Variants in CLCN6 observed in about 807,000 individuals in gnomAD.
The protein encoded by CLCN6 is Cl-/H+ antiporter 6, also known as H(+)/Cl(-) exchange transporter 6.
Under a neutral mutation model 109.8 loss-of-function variants are expected in CLCN6, and 70 were observed. That is an observed-to-expected ratio of 0.64 (90% CI 0.53 to 0.78). CLCN6 has a LOEUF of 0.78. CLCN6 is among the 30% of genes least tolerant of loss of function. The pLI, the probability that CLCN6 is intolerant of heterozygous loss-of-function variation, is 0.00. For synonymous variants in CLCN6, 444 were observed against 447.8 expected (o/e 0.99, Z 0.11); for missense variants, 984 against 1,142.3 (o/e 0.86, Z 2.00).
chr1:11,824,380 A>C, intron 7 of CLCN6, 106 bp from the exon 8 acceptor site: 1 of 792,410 alleles, frequency 1.3e-6, no homozygotes, highest in Non-Finnish European at 2.1e-6. Flanking sequence ...AAGTCTTAGG[A>C]TCATCTCTGT....
intron 8 of CLCN6, among the ~76,000 whole-genome samples, chr1:11,825,870 T>C (rs948468652): frequency 3.9e-5 from 6 of 152,190 alleles, no homozygotes; most frequent in African/African-American, 1.4e-4. Flanking sequence ...TAATCAGCCG[T>C]CCGCCTCGGC....
chr1:11,819,398 G>C, intron 4 of CLCN6, 90 bp from the exon 5 acceptor site: 1 of 1,144,756 alleles, frequency 8.7e-7, no homozygotes, highest in Admixed American at 1.7e-5. Context: ...TGCAGTGGGG[G>C]AGGAGATGCC....
At chr1:11,812,377 A>C (rs1156480336) in intron 2 of CLCN6, among the ~76,000 whole-genome samples, 1 of 152,222 alleles carries the variant, frequency 6.6e-6, no homozygotes, top group Non-Finnish European at 1.5e-5. Flanking sequence ...AGGAACCTCC[A>C]AACGGTTCAG....
chr1:11,828,286 CCAGAGAGAAATGAG>C (rs1479760336), intron 11 of CLCN6, 67 bp downstream of exon 11: 2 of 1,490,506 alleles, frequency 1.3e-6, no homozygotes, highest in Non-Finnish European at 1.9e-6. Context: ...AAGTGAAGGA[CCAGAGAGAAATGAG>C]CAGAGGGCTA....
At chr1:11,835,690 A>G (rs890342817) in intron 17 of CLCN6, among the ~76,000 whole-genome samples, 1 of 152,206 alleles carries the variant, frequency 6.6e-6, no homozygotes, top group African/African-American at 2.4e-5. Flanking sequence ...ACCAGCAGCC[A>G]GGGCTTCCTG....
In CLCN6 at chr1:11,819,468, A is replaced by G; in HGVS notation, c.280-20A>G. On this transcript the variant is annotated intron_variant, in intron 4 of 22. Coordinates refer to ENST00000346436, the MANE Select transcript of CLCN6 (RefSeq NM_001286.5). ...ACACTTGGAAATAAGGCTGTGTGAC[A>G]GATCTCTTGCTCTTCACAGGTGGGT... 6.2e-7 allele frequency: 1 copy of G among 1,612,294 alleles called. No individual in the cohort carries two copies. Among genetic ancestry groups the G allele is most frequent in the Non-Finnish European group, 8.5e-7 (1 of 1,178,286 alleles).
intron 5 of CLCN6, 81 bp downstream of exon 5, chr1:11,819,635 T>A: frequency 8.2e-7 from 1 of 1,219,366 alleles, no homozygotes; most frequent in Admixed American, 1.7e-5. Flanking sequence ...GGTCTAACAG[T>A]AAGCATAGTA....
chr1:11,823,657 A>G (rs779590307), intron 6 of CLCN6, 50 bp from the exon 7 acceptor site: 17 of 1,613,200 alleles, frequency 1.1e-5, no homozygotes, highest in Admixed American at 3.3e-5. Flanking sequence ...AGGGTAAGCC[A>G]GAGAACCAAT....
intron 22 of CLCN6, chr1:11,839,089 CATT>C: frequency 3.4e-6 from 2 of 588,524 alleles, no homozygotes; most frequent in Non-Finnish European, 6.1e-6. Flanking sequence ...TTTAGAACTT[CATT>C]ATTTTCTTAT....
chr1:11,816,539 G>A (rs922360779), intron 3 of CLCN6, 76 bp from the exon 4 acceptor site: 24 of 1,359,406 alleles, frequency 1.8e-5, no homozygotes, highest in Non-Finnish European at 2.5e-5. Context: ...GCTTAAAACT[G>A]GTTGGCCAAG....
At position 11,841,727 on chromosome 1, in the gene CLCN6, C is replaced by G. The variant is rs1645026329; in HGVS notation, c.*1504C>G. On this transcript the variant is annotated 3_prime_UTR_variant, in exon 23 of 23. Coordinates refer to ENST00000346436, the MANE Select transcript of CLCN6 (RefSeq NM_001286.5). Reference sequence around the variant, plus strand: ...TTTCACCCTGGGGTGAGCATCAGTCCTGGCTCTGCTGGTCCAGATCTTGCG... The same window carrying G: ...TTTCACCCTGGGGTGAGCATCAGTCGTGGCTCTGCTGGTCCAGATCTTGCG... The G allele has an allele frequency of 6.6e-6, 1 of 152,258 alleles. No individual in the cohort carries two copies. The highest frequency in any genetic ancestry group is 2.4e-5 in the African/African-American group (1 of 41,458). 9.4% of individuals were successfully genotyped at this position (152,258 alleles called of 1,614,324 possible). A position where few individuals can be genotyped will look rare whatever the true frequency, so the allele number is the denominator to read the frequency against.
rs760903472 is a variant in CLCN6 at position 11,826,156 on chromosome 1, T to C, written c.649T>C (p.Phe217Leu). Reference sequence around the variant, plus strand: ...GTGGCTCTCTTTTCTCTTGCTTTAGTTTCAGAGCATCTCCTTACGGAAGAT... The same window carrying C: ...GTGGCTCTCTTTTCTCTTGCTTTAGCTTCAGAGCATCTCCTTACGGAAGAT... ...GSVVGAGLPQ[F>L]QSISLRKIQF... The change falls in exon 9 of 23, where the codon TTT becomes CTT. Residue 217 changes from phenylalanine to leucine, a missense_variant and splice_region_variant. Transcript: ENST00000346436. 2 of 1,612,788 alleles carry C rather than the reference T, an allele frequency of 1.2e-6. No individual in the cohort carries two copies.
intron 13 of CLCN6, among the ~76,000 whole-genome samples, chr1:11,831,039 G>C (rs940182713): frequency 6.6e-6 from 1 of 151,652 alleles, no homozygotes; most frequent in Non-Finnish European, 1.5e-5. Flanking sequence ...CACCATGTTG[G>C]CCAGGCTGGT....
chr1:11,807,836 C>G (rs1570510104), intron 2 of CLCN6, among the ~76,000 whole-genome samples: 2 of 152,174 alleles, frequency 1.3e-5, no homozygotes. Context: ...CTTTTATATA[C>G]ATGATACATG....
chr1:11,819,508 T>G lies in CLCN6; in HGVS notation c.300T>G (p.Phe100Leu). The change falls in exon 5 of 23, where the codon TTT (phenylalanine) becomes TTG (leucine). Residue 100 changes from phenylalanine (F) to leucine (L), a missense_variant. Physicochemically the swap from Phe to Leu is conservative, Grantham distance 22. Coordinates refer to ENST00000346436, the MANE Select transcript of CLCN6 (RefSeq NM_001286.5). ...CTGLVGLFVD[F>L]FVRLFTQLKF... Reference sequence around the variant, plus strand: ...CACAGGTGGGTCTCTTTGTGGACTTTTTTGTGCGACTCTTCACCCAACTCA... The same window carrying G: ...CACAGGTGGGTCTCTTTGTGGACTTGTTTGTGCGACTCTTCACCCAACTCA... 1 of 1,614,196 alleles carries G rather than the reference T, an allele frequency of 6.2e-7. No individual in the cohort carries two copies.
At chr1:11,838,256 C>T in intron 20 of CLCN6, 79 bp from the exon 21 acceptor site, 2 of 1,257,974 alleles carry the variant, frequency 1.6e-6, no homozygotes, top group South Asian at 2.4e-5. Flanking sequence ...CATATTCAGG[C>T]ATCAAGGGGA....
rs1158128942 is a variant in CLCN6, at chr1:11,841,406, GA to G, written c.*1185del. On this transcript the variant is annotated 3_prime_UTR_variant, in exon 23 of 23. Coordinates refer to ENST00000346436, the MANE Select transcript of CLCN6 (RefSeq NM_001286.5). Reference sequence around the variant, plus strand: ...CCTGAAGGTTTCACATGAAGCATGGGAAGCGCACCCTGTCGTTCAGTGACGT... The same window carrying G: ...CCTGAAGGTTTCACATGAAGCATGGGAGCGCACCCTGTCGTTCAGTGACGT... The G allele has an allele frequency of 6.6e-6, 1 of 152,516 alleles. No homozygotes were observed. The highest frequency in any genetic ancestry group is 1.9e-4 in the East Asian group (1 of 5,184). 9.4% of individuals were successfully genotyped at this position (152,516 alleles called of 1,614,324 possible). A position where few individuals can be genotyped will look rare whatever the true frequency, so the allele number is the denominator to read the frequency against.
At chr1:11,825,050 AC>A in intron 8 of CLCN6, among the ~76,000 whole-genome samples, 1 of 152,164 alleles carries the variant, frequency 6.6e-6, no homozygotes, top group South Asian at 2.1e-4. Flanking sequence ...TGTTATTATT[AC>A]CCCCATCCTC....
intron 12 of CLCN6, 55 bp downstream of exon 12, chr1:11,828,679 T>C (rs1570532872): frequency 6.5e-7 from 1 of 1,528,366 alleles, no homozygotes; most frequent in Admixed American, 2.0e-5. Flanking sequence ...GAGCTTGGTG[T>C]GGGCCGCGCC....
Sources: allele counts gnomAD v4.1 joint callset (sites outside exome capture counted in the v4.1 genomes callset), GRCh38; gene constraint gnomAD v4.1.1; transcripts MANE v1.5; gene names NCBI Gene and HGNC (gene_info 2026-07-23, HGNC 2026-07-21).